DOCK4: variants seen among roughly 807,000 people sequenced by gnomAD.
The protein encoded by DOCK4 is dedicator of cytokinesis 4.
DOCK4 carries 97 observed loss-of-function variants against 268.1 expected under a neutral mutation model. That is an observed-to-expected ratio of 0.36 (90% confidence interval 0.31 to 0.43). The LOEUF is 0.43. Among genes scored for constraint, DOCK4 ranks in the 20% least tolerant of loss-of-function variants. DOCK4 has a pLI of 1.00. For synonymous variants in DOCK4, 954 were observed against 887.2 expected (o/e 1.08, Z -1.34); for missense variants, 2,145 against 2,455.7 (o/e 0.87, Z 2.67).
intron 1 of DOCK4, among the ~76,000 whole-genome samples, chr7:112,174,271 A>G (rs1328496915): frequency 1.3e-5 from 2 of 152,150 alleles, no homozygotes; most frequent in Non-Finnish European, 2.9e-5. Flanking sequence ...CAATCTGGAA[A>G]AAACTGCCAC....
At chr7:111,947,284 A>G (rs1795693628) in intron 8 of DOCK4, among the ~76,000 whole-genome samples, 1 of 152,230 alleles carries the variant, frequency 6.6e-6, no homozygotes, top group Non-Finnish European at 1.5e-5. Flanking sequence ...GAAGCACATG[A>G]ATTTGAATTT....
intron 1 of DOCK4, among the ~76,000 whole-genome samples, chr7:112,104,257 A>G (rs1339831358): frequency 2.6e-5 from 4 of 152,214 alleles, no homozygotes; most frequent in Admixed American, 6.5e-5. Flanking sequence ...GTACTTTCAC[A>G]ACAGATGTGT....
At chr7:111,947,249 T>C (rs1795691034) in intron 8 of DOCK4, among the ~76,000 whole-genome samples, 1 of 152,226 alleles carries the variant, frequency 6.6e-6, no homozygotes, top group African/African-American at 2.4e-5. Context: ...AGAGGAGATA[T>C]GAGAACCATA....
chr7:111,908,765 T>C, intron 13 of DOCK4, among the ~76,000 whole-genome samples: 1 of 152,104 alleles, frequency 6.6e-6, no homozygotes. Context: ...GTTCTCATTG[T>C]TCAACTCCCA....
intron 30 of DOCK4, among the ~76,000 whole-genome samples, chr7:111,794,689 C>T (rs1189194973): frequency 6.6e-6 from 1 of 152,146 alleles, no homozygotes; most frequent in Non-Finnish European, 1.5e-5. Flanking sequence ...ATTTCATTTG[C>T]TCCCTACAAC....
chr7:112,120,789 C>A (rs1812660705), intron 1 of DOCK4, among the ~76,000 whole-genome samples: 1 of 152,210 alleles, frequency 6.6e-6, no homozygotes, highest in Admixed American at 6.5e-5. Flanking sequence ...CCTCAGAGGC[C>A]TGATTCCATG....
At position 111,739,412 on chromosome 7, in the gene DOCK4, A is replaced by G. The variant is rs765948856; in HGVS notation, c.5106T>C (p.Ala1702=). ...GGCACTGACCTCTGGCACTCGATGGAGCAGAACTTGTCACATTAGGTGAAG... is the reference window on the plus strand; with the variant it reads ...GGCACTGACCTCTGGCACTCGATGGGGCAGAACTTGTCACATTAGGTGAAG... ...HSASPNVTSS[A]PSSARASPLL... Residue 1702 remains alanine (A), a synonymous_variant, in exon 48 of 53, where the codon GCT becomes GCC. Coordinates refer to ENST00000428084, the MANE Select transcript of DOCK4 (RefSeq NM_001363540.2). The G allele has an allele frequency of 3.2e-6, 5 of 1,586,792 alleles. No individual in the cohort carries two copies. Among genetic ancestry groups the G allele is most frequent in the East Asian group, 2.3e-5 (1 of 43,586 alleles).
chr7:111,944,863 G>A lies in DOCK4; in HGVS notation c.792C>T (p.Gly264=), dbSNP rs1252451794. ...ERHCSLFVDL[G]SSELRKDIYI... ...AAATGTCCTTTCTTAGCTCACTGCT[G>A]CCCAAATCCTACAAACAAAGAAAGT... is the stretch of plus-strand genomic sequence containing the variant. The change falls in exon 10 of 53, where the codon GGC becomes GGT. Residue 264 remains glycine, a synonymous_variant. Transcript: ENST00000428084. 6 of 1,613,788 alleles carry A rather than the reference G, an allele frequency of 3.7e-6. No homozygotes were observed. Among genetic ancestry groups the A allele is most frequent in the Non-Finnish European group, 5.1e-6 (6 of 1,179,852 alleles).
In DOCK4 at chr7:112,057,952, C is replaced by T. The variant is rs568603914; in HGVS notation, c.38-53821G>A. 1.2e-3 allele frequency among the ~76,000 whole-genome samples: 174 copies of T among 149,268 alleles called. 1 individual carries two copies. The highest frequency in any genetic ancestry group is 6.9e-3 in the Middle Eastern group (2 of 290). ...CTGTTTTTGTAAGTGCTTTATTTTACGCTTAATAAGAATTTATAGTACATG... is the reference window on the plus strand; with the variant it reads ...CTGTTTTTGTAAGTGCTTTATTTTATGCTTAATAAGAATTTATAGTACATG... On this transcript the variant is annotated intron_variant, in intron 1 of 52. Transcript: ENST00000428084.
intron 8 of DOCK4, among the ~76,000 whole-genome samples, chr7:111,962,053 CAT>C (rs1796943589): frequency 6.6e-6 from 1 of 151,966 alleles, no homozygotes; most frequent in African/African-American, 2.4e-5. Flanking sequence ...ATTTTCTTCA[CAT>C]ATTTTGTCAT....
intron 1 of DOCK4, among the ~76,000 whole-genome samples, chr7:112,047,376 T>C (rs1168725193): frequency 6.6e-6 from 1 of 152,182 alleles, no homozygotes; most frequent in Admixed American, 6.5e-5. Context: ...ATATAGTCCT[T>C]TGTATGAAGA....
At chr7:112,198,100 A>C (rs190185178) in intron 1 of DOCK4, among the ~76,000 whole-genome samples, 47 of 152,232 alleles carry the variant, frequency 3.1e-4, no homozygotes, top group Non-Finnish European at 5.0e-4. Context: ...TCACATATTG[A>C]AACTGTAATC....
chr7:111,933,069 TATATATAC>T (rs1794331519), intron 12 of DOCK4, among the ~76,000 whole-genome samples: 1 of 148,062 alleles, frequency 6.8e-6, no homozygotes, highest in Non-Finnish European at 1.5e-5. Flanking sequence ...TATATATACA[TATATATAC>T]ACATATATAT....
At chr7:111,745,902 G>C (rs575689816) in intron 44 of DOCK4, among the ~76,000 whole-genome samples, 1 of 151,956 alleles carries the variant, frequency 6.6e-6, no homozygotes, top group Non-Finnish European at 1.5e-5. Context: ...CCAACCTCAC[G>C]TGATGGGTTG....
At chr7:111,930,719 C>T (rs1794131154) in intron 12 of DOCK4, among the ~76,000 whole-genome samples, 1 of 152,148 alleles carries the variant, frequency 6.6e-6, no homozygotes, top group African/African-American at 2.4e-5. Context: ...TCTTGCTTCC[C>T]CCACTATCTT....
chr7:112,089,678 A>T (rs1809444470), intron 1 of DOCK4, among the ~76,000 whole-genome samples: 1 of 151,974 alleles, frequency 6.6e-6, no homozygotes, highest in Non-Finnish European at 1.5e-5. Context: ...TGTTCTGATG[A>T]TAGTGAGTGA....
At chr7:111,850,585 A>G (rs1167253723) in intron 23 of DOCK4, among the ~76,000 whole-genome samples, 1 of 152,154 alleles carries the variant, frequency 6.6e-6, no homozygotes, top group Admixed American at 6.5e-5. Flanking sequence ...CCACAAAATA[A>G]GTGAAATTAG....
chr7:112,063,044 A>C (rs1312414984), intron 1 of DOCK4, among the ~76,000 whole-genome samples: 2 of 152,202 alleles, frequency 1.3e-5, no homozygotes, highest in Non-Finnish European at 2.9e-5. Flanking sequence ...GTTGCCTCCC[A>C]AAAAGAGAGA....
intron 30 of DOCK4, among the ~76,000 whole-genome samples, chr7:111,794,367 T>C (rs1283612907): frequency 6.6e-6 from 1 of 152,140 alleles, no homozygotes; most frequent in Non-Finnish European, 1.5e-5. Flanking sequence ...AGATGTACTA[T>C]TTCAGAACTT....
Sources: gnomAD v4.1 joint callset for allele counts (sites outside exome capture counted in the v4.1 genomes callset) on GRCh38, gnomAD v4.1.1 for gene constraint, MANE v1.5 for transcripts, NCBI Gene and HGNC (gene_info 2026-07-23, HGNC 2026-07-21) for gene names.